The following SEMA3A variants were observed in gnomAD, a reference collection of about 807,000 sequenced individuals.
SEMA3A encodes semaphorin 3A, also known as semaphorin-3A.
Under a neutral mutation model 97.9 loss-of-function variants are expected in SEMA3A, and 29 were observed. That is an observed-to-expected ratio of 0.30 (90% CI 0.22 to 0.40). The LOEUF is 0.40. Among genes scored for constraint, SEMA3A ranks in the 10% least tolerant of loss-of-function variants. The probability of loss-of-function intolerance (pLI) is 1.00; values close to 1 mark genes in which losing one functional copy is unlikely to be tolerated. For missense variants in SEMA3A, 763 were observed against 951.3 expected (o/e 0.80, Z 2.60); for synonymous variants, 321 against 323.7 (o/e 0.99, Z 0.09).
chr7:84,061,386 C>G (rs1210798715), intron 4 of SEMA3A, among the ~76,000 whole-genome samples: 2 of 152,030 alleles, frequency 1.3e-5, no homozygotes, highest in East Asian at 3.9e-4. Flanking sequence ...CGCTTGAGAC[C>G]CTGTTGTCAG....
chr7:84,342,064 T>A (rs958960005), intron 2 of SEMA3A, among the ~76,000 whole-genome samples: 2 of 152,226 alleles, frequency 1.3e-5, no homozygotes, highest in African/African-American at 4.8e-5. Context: ...TGACGGAGTT[T>A]CACCCTTGTT....
At chr7:84,450,960 C>A (rs926532611) in intron 1 of SEMA3A, among the ~76,000 whole-genome samples, 1 of 152,014 alleles carries the variant, frequency 6.6e-6, no homozygotes, top group Non-Finnish European at 1.5e-5. Flanking sequence ...CTTTAGGTTG[C>A]CTTTTCACTC....
At chr7:84,480,080 A>T (rs1214474020) in intron 1 of SEMA3A, among the ~76,000 whole-genome samples, 1 of 152,224 alleles carries the variant, frequency 6.6e-6, no homozygotes, top group Non-Finnish European at 1.5e-5. Context: ...TTAGATAAAG[A>T]AGTTTACTAA....
chr7:84,167,173 G>A (rs979447583), intron 1 of SEMA3A, among the ~76,000 whole-genome samples: 15 of 141,480 alleles, frequency 1.1e-4, no homozygotes, highest in Admixed American at 8.0e-4. Flanking sequence ...CAGGATTTCA[G>A]GATTGAACCC....
At chr7:84,162,952 G>T (rs2116172213) in intron 1 of SEMA3A, among the ~76,000 whole-genome samples, 1 of 152,308 alleles carries the variant, frequency 6.6e-6, no homozygotes, top group South Asian at 2.1e-4. Flanking sequence ...GCTACTACAT[G>T]GAGGTTAGGA....
At chr7:83,987,064 A>T (rs1235989421) in intron 12 of SEMA3A, among the ~76,000 whole-genome samples, 2 of 150,782 alleles carry the variant, frequency 1.3e-5, no homozygotes, top group African/African-American at 4.9e-5. Flanking sequence ...ATTACTGGTT[A>T]TATACCTGTA....
chr7:83,963,863 G>A (rs898664060), intron 15 of SEMA3A, among the ~76,000 whole-genome samples: 2 of 152,126 alleles, frequency 1.3e-5, no homozygotes, highest in African/African-American at 2.4e-5. Context: ...TTTTACAGAA[G>A]GTAGAGTGCA....
intron 3 of SEMA3A, among the ~76,000 whole-genome samples, chr7:84,218,950 T>G (rs1798812718): frequency 6.6e-6 from 1 of 152,122 alleles, no homozygotes; most frequent in Non-Finnish European, 1.5e-5. Flanking sequence ...AATAGGAAAC[T>G]TTGAATAAGG....
At chr7:84,245,171 T>C (rs1799451259) in intron 3 of SEMA3A, among the ~76,000 whole-genome samples, 1 of 152,174 alleles carries the variant, frequency 6.6e-6, no homozygotes, top group South Asian at 2.1e-4. Context: ...TGGATAAATA[T>C]CCTGAAGAGT....
chr7:84,078,822 A>C (rs1200765734), intron 4 of SEMA3A, among the ~76,000 whole-genome samples: 2 of 151,986 alleles, frequency 1.3e-5, no homozygotes, highest in Non-Finnish European at 2.9e-5. Flanking sequence ...GAAAACCCTG[A>C]CTGTTTCAAA....
chr7:84,314,503 G>C (rs1801445186), intron 2 of SEMA3A, among the ~76,000 whole-genome samples: 1 of 152,140 alleles, frequency 6.6e-6, no homozygotes, highest in Non-Finnish European at 1.5e-5. Flanking sequence ...CATAAGACTA[G>C]TATGTCTCAG....
At chr7:84,112,941 C>G (rs1795317136) in intron 3 of SEMA3A, among the ~76,000 whole-genome samples, 1 of 152,172 alleles carries the variant, frequency 6.6e-6, no homozygotes, top group Non-Finnish European at 1.5e-5. Flanking sequence ...TGTTACAAAG[C>G]AACTAGACTC....
At chr7:84,062,863 A>AG (rs139366685) in intron 4 of SEMA3A, among the ~76,000 whole-genome samples, 82,760 of 150,942 alleles carry the variant, frequency 0.55, 24,542 homozygotes, top group African/African-American at 0.78. Flanking sequence ...GCCATTGCCA[A>AG]ACTTGATTAG....
intron 4 of SEMA3A, among the ~76,000 whole-genome samples, chr7:84,102,588 C>CTTTTT (rs3074757): frequency 0.029 from 2,763 of 96,724 alleles, 182 homozygotes; most frequent in Non-Finnish European, 0.036. Flanking sequence ...TGCATTATCG[C>CTTTTT]TTTTTTTTTT....
At chr7:84,397,489 T>C (rs765519395) in intron 1 of SEMA3A, among the ~76,000 whole-genome samples, 18 of 148,414 alleles carry the variant, frequency 1.2e-4, no homozygotes, top group South Asian at 6.3e-4. Context: ...ATAACATGTA[T>C]ACAATACATG....
intron 1 of SEMA3A, among the ~76,000 whole-genome samples, chr7:84,453,395 C>T (rs1584336230): frequency 6.6e-6 from 1 of 151,886 alleles, no homozygotes; most frequent in South Asian, 2.1e-4. Context: ...CGCCACCTCG[C>T]CCGGCTAATT....
chr7:84,477,240 C>T (rs1445007898), intron 1 of SEMA3A, among the ~76,000 whole-genome samples: 1 of 150,354 alleles, frequency 6.7e-6, no homozygotes, highest in African/African-American at 2.4e-5. Context: ...AGTTCAAGAC[C>T]AGCCTGTCCA....
At chr7:84,101,086 T>C (rs1375735600) in intron 4 of SEMA3A, among the ~76,000 whole-genome samples, 1 of 152,196 alleles carries the variant, frequency 6.6e-6, no homozygotes, top group East Asian at 1.9e-4. Flanking sequence ...TGGAACCCTA[T>C]GATGTCATTT....
At chr7:84,154,659 G>C (rs1796781737) in intron 1 of SEMA3A, among the ~76,000 whole-genome samples, 1 of 127,056 alleles carries the variant, frequency 7.9e-6, no homozygotes, top group Non-Finnish European at 1.6e-5. Context: ...CTGGGCGACA[G>C]AGCAAGACTT....
Sources: allele counts gnomAD v4.1 joint callset (sites outside exome capture counted in the v4.1 genomes callset), GRCh38; gene constraint gnomAD v4.1.1; transcripts MANE v1.5; gene names NCBI Gene and HGNC (gene_info 2026-07-23, HGNC 2026-07-21).